The following STPG2 variants were observed in gnomAD, a reference collection of about 807,000 sequenced individuals.
The protein encoded by STPG2 is sperm-tail PG-rich repeat-containing protein 2.
In STPG2, 56 loss-of-function variants were observed where a neutral mutation model predicts 54.2. That is an observed-to-expected ratio of 1.03 (90% confidence interval 0.83 to 1.29). The LOEUF is 1.29. Ranked by LOEUF, STPG2 falls within the 50% of genes most tolerant of loss-of-function variation. The pLI, the probability that STPG2 is intolerant of heterozygous loss-of-function variation, is 0.00. For synonymous variants in STPG2, 200 were observed against 181.8 expected (o/e 1.10, Z -0.81); for missense variants, 596 against 544.9 (o/e 1.09, Z -0.93).
At chr4:97,470,074 T>C (rs911137401) in intron 4 of STPG2, among the ~76,000 whole-genome samples, 1 of 152,126 alleles carries the variant, frequency 6.6e-6, no homozygotes, top group African/African-American at 2.4e-5. Context: ...TGAGCTATGA[T>C]TGTAGATGGT....
intron 8 of STPG2, among the ~76,000 whole-genome samples, chr4:97,842,483 C>G (rs554290087): frequency 2.0e-5 from 3 of 151,790 alleles, no homozygotes; most frequent in Non-Finnish European, 2.9e-5. Flanking sequence ...GAAAGCTTTG[C>G]GAAGATCTTG....
At position 97,773,289 on chromosome 4, in the gene STPG2, A is replaced by G. The variant is rs564843578; in HGVS notation, c.1205-60475T>C. 1.4e-4 allele frequency among the ~76,000 whole-genome samples: 22 copies of G among 152,198 alleles called. No individual in the cohort carries two copies. The South Asian group carries it at 4.4e-3, about 30-fold the overall frequency. On this transcript the variant is annotated intron_variant, in intron 9 of 10. Coordinates refer to ENST00000295268, the MANE Select transcript of STPG2 (RefSeq NM_174952.3). ...TTACATTATTGGTGCTATTTCTAAT[A>G]TGTACATTGAAATTACTGTATAATT... is the stretch of plus-strand genomic sequence containing the variant.
intron 4 of STPG2, among the ~76,000 whole-genome samples, chr4:97,470,367 G>A (rs976555751): frequency 3.9e-5 from 6 of 151,942 alleles, no homozygotes; most frequent in South Asian, 4.1e-4. Flanking sequence ...TAGTGTGGGG[G>A]TAAAATTATT....
intron 9 of STPG2, among the ~76,000 whole-genome samples, chr4:97,786,513 G>A (rs547447043): frequency 6.6e-6 from 1 of 151,994 alleles, no homozygotes; most frequent in Non-Finnish European, 1.5e-5. Context: ...CACTTTCTGT[G>A]GTTGCAGTCA....
rs371840368 is a variant in STPG2, at chr4:97,893,969, A to G, written c.1044+49928T>C. Among the ~76,000 whole-genome samples the G allele has an allele frequency of 3.3e-5, 5 of 152,008 alleles. No individual in the cohort carries two copies. The East Asian group carries it at 9.6e-4, about 29-fold the overall frequency. On this transcript the variant is annotated intron_variant, in intron 8 of 10. Coordinates refer to ENST00000295268, the MANE Select transcript of STPG2 (RefSeq NM_174952.3). ...TAAAAGTCGATGGGGTATGAAACAG[A>G]ATGTAAGAGAGGAAAATTAAAATAT... is the stretch of plus-strand genomic sequence containing the variant.
At chr4:97,919,276 T>A (rs1426096694) in intron 8 of STPG2, among the ~76,000 whole-genome samples, 6 of 151,132 alleles carry the variant, frequency 4.0e-5, no homozygotes, top group Non-Finnish European at 8.9e-5. Context: ...CAATTTAGGG[T>A]TCATTTTAAG....
At chr4:97,863,325 G>T (rs137973673) in intron 8 of STPG2, among the ~76,000 whole-genome samples, 2 of 152,096 alleles carry the variant, frequency 1.3e-5, no homozygotes, top group African/African-American at 2.4e-5. Flanking sequence ...ACACCTCTAC[G>T]CAAATAAGCT....
At chr4:97,951,588 C>A (rs113699725) in intron 7 of STPG2, among the ~76,000 whole-genome samples, 3 of 151,788 alleles carry the variant, frequency 2.0e-5, no homozygotes, top group African/African-American at 7.3e-5. Flanking sequence ...GGAGTGAAGA[C>A]CCTGTGTGAG....
chr4:97,987,445 T>C (rs1450726362), intron 5 of STPG2, among the ~76,000 whole-genome samples: 1 of 152,192 alleles, frequency 6.6e-6, no homozygotes, highest in African/African-American at 2.4e-5. Flanking sequence ...CTACATATGT[T>C]AATTGTAAGA....
chr4:97,989,316 A>G (rs1228595508), intron 5 of STPG2, among the ~76,000 whole-genome samples: 2 of 152,188 alleles, frequency 1.3e-5, no homozygotes, highest in African/African-American at 2.4e-5. Flanking sequence ...CTGAAGCTAT[A>G]CAGATATGCC....
intron 7 of STPG2, among the ~76,000 whole-genome samples, chr4:97,952,552 T>C (rs187271197): frequency 5.8e-4 from 89 of 152,284 alleles, no homozygotes; most frequent in African/African-American, 1.9e-3. Context: ...CCTCTGGGTC[T>C]AGTAACCCAG....
intron 4 of STPG2, among the ~76,000 whole-genome samples, chr4:97,533,176 C>T (rs1578367761): frequency 1.3e-5 from 2 of 152,042 alleles, no homozygotes; most frequent in African/African-American, 4.8e-5. Flanking sequence ...CCACTGCCCC[C>T]GGCCTACTTA....
At chr4:97,900,825 T>C (rs1238197671) in intron 8 of STPG2, among the ~76,000 whole-genome samples, 2 of 152,038 alleles carry the variant, frequency 1.3e-5, no homozygotes, top group African/African-American at 4.8e-5. Flanking sequence ...TGTTGGGTAT[T>C]GGACTTAATG....
At chr4:97,739,292 C>T (rs1191706164) in intron 9 of STPG2, among the ~76,000 whole-genome samples, 1 of 151,988 alleles carries the variant, frequency 6.6e-6, no homozygotes, top group African/African-American at 2.4e-5. Context: ...CCTAACATCA[C>T]AATTAAAAGA....
intron 9 of STPG2, among the ~76,000 whole-genome samples, chr4:97,792,378 C>A (rs568663988): frequency 6.6e-6 from 1 of 152,242 alleles, no homozygotes; most frequent in South Asian, 2.1e-4. Context: ...TCTCCCTTTT[C>A]TCAGTCTAAT....
intron 5 of STPG2, among the ~76,000 whole-genome samples, chr4:97,993,741 T>C (rs991102577): frequency 6.6e-6 from 1 of 152,156 alleles, no homozygotes; most frequent in Non-Finnish European, 1.5e-5. Context: ...GGTAGCTTTT[T>C]AATTACCATT....
At chr4:97,556,873 T>C (rs17026800), downstream of STPG2, among the ~76,000 whole-genome samples, 2,446 of 151,974 alleles carry the variant, frequency 0.016, 52 homozygotes, top group African/African-American at 0.056. Flanking sequence ...ACCAATAGAG[T>C]ACATTAATTT....
intron 4 of STPG2, chr4:97,490,127 T>TAA (rs140095665): frequency 6.6e-6 from 1 of 150,612 alleles, no homozygotes; most frequent in African/African-American, 2.5e-5. Flanking sequence ...TATAACCTAG[T>TAA]AATTTTTTAA....
intron 4 of STPG2, among the ~76,000 whole-genome samples, chr4:97,505,195 T>G (rs1453280718): frequency 2.4e-4 from 36 of 151,994 alleles, no homozygotes; most frequent in Non-Finnish European, 1.5e-5. Flanking sequence ...TGCTTTCATT[T>G]TTTTCTTTTG....
Sources: gnomAD v4.1 joint callset for allele counts (sites outside exome capture counted in the v4.1 genomes callset) on GRCh38, gnomAD v4.1.1 for gene constraint, MANE v1.5 for transcripts, NCBI Gene and HGNC (gene_info 2026-07-23, HGNC 2026-07-21) for gene names.